The following PACC1 variants were observed in gnomAD, a reference collection of about 807,000 sequenced individuals.
The protein encoded by PACC1 is proton-activated chloride channel.
In PACC1, 34 loss-of-function variants were observed where a neutral mutation model predicts 39.7. The ratio of observed to expected loss-of-function variants is 0.86; its 90% CI spans 0.65 to 1.14. The LOEUF is 1.14. PACC1 is among the 50% of genes most tolerant of loss of function. The probability of loss-of-function intolerance (pLI) is 0.00; values close to 1 mark genes in which losing one functional copy is unlikely to be tolerated. For synonymous variants in PACC1, 127 were observed against 160.6 expected, an observed-to-expected ratio of 0.79 and a Z score of 1.58; for missense variants, 379 against 436.4, an observed-to-expected ratio of 0.87 and a Z score of 1.17.
intron 7 of PACC1, among the ~76,000 whole-genome samples, chr1:212,367,851 A>C (rs1660298927): frequency 6.6e-6 from 1 of 152,176 alleles, no homozygotes; most frequent in Non-Finnish European, 1.5e-5. Flanking sequence ...GCCAAAAGGC[A>C]ATCGGCCACC....
At chr1:212,407,885 G>A (rs1661975612) in intron 2 of PACC1, among the ~76,000 whole-genome samples, 1 of 152,146 alleles carries the variant, frequency 6.6e-6, no homozygotes, top group Non-Finnish European at 1.5e-5. Context: ...GACCAGCCTG[G>A]CCAACATGGT....
chr1:212,401,326 A>C (rs895193827), intron 2 of PACC1, among the ~76,000 whole-genome samples: 5 of 152,120 alleles, frequency 3.3e-5, no homozygotes, highest in Non-Finnish European at 7.4e-5. Flanking sequence ...GACTTCTCTC[A>C]CTATGTTTTC....
At chr1:212,410,394 A>T in intron 2 of PACC1, 31 bp downstream of exon 2, 1 of 1,599,372 alleles carries the variant, frequency 6.3e-7, no homozygotes, top group Non-Finnish European at 8.6e-7. Context: ...CAGCTGCAGC[A>T]ACAGCACAGC....
At chr1:212,382,719 T>C (rs1660950918) in intron 4 of PACC1, among the ~76,000 whole-genome samples, 1 of 152,232 alleles carries the variant, frequency 6.6e-6, no homozygotes. Context: ...TGCAATTGTT[T>C]AGCCCTAAAG....
At chr1:212,370,974 G>A (rs1254762597) in intron 7 of PACC1, among the ~76,000 whole-genome samples, 2 of 152,086 alleles carry the variant, frequency 1.3e-5, no homozygotes, top group African/African-American at 2.4e-5. Context: ...GAGGCCGGGC[G>A]CAGTGGCTCA....
intron 1 of PACC1, among the ~76,000 whole-genome samples, chr1:212,411,869 G>A (rs72754340): frequency 3.0e-3 from 460 of 152,276 alleles, no homozygotes; most frequent in Non-Finnish European, 4.4e-3. Context: ...GGCCTGACAC[G>A]GTGGCTCATG....
chr1:212,389,457 C>T (rs74649097), intron 2 of PACC1, among the ~76,000 whole-genome samples: 1 of 152,006 alleles, frequency 6.6e-6, no homozygotes, highest in Non-Finnish European at 1.5e-5. Flanking sequence ...AAAAAAAATA[C>T]CCTTCTGAAG....
intron 4 of PACC1, among the ~76,000 whole-genome samples, chr1:212,381,845 CAA>C (rs1273797646): frequency 6.6e-6 from 1 of 151,206 alleles, no homozygotes; most frequent in Non-Finnish European, 1.5e-5. Context: ...AGTGACAAGA[CAA>C]AAGTCATGGC....
chr1:212,404,386 A>G (rs1661830767), intron 2 of PACC1, among the ~76,000 whole-genome samples: 2 of 151,786 alleles, frequency 1.3e-5, no homozygotes, highest in Admixed American at 1.3e-4. Context: ...GATCACAGGC[A>G]TGAGCCACCG....
chr1:212,398,289 A>C (rs1292178926), intron 2 of PACC1, among the ~76,000 whole-genome samples: 2 of 152,248 alleles, frequency 1.3e-5, no homozygotes, highest in Admixed American at 1.3e-4. Context: ...GTAGGAATGT[A>C]ATGTTTCCAT....
At chr1:212,377,731 GATCCAGGTCA>G (rs1326843244) in intron 5 of PACC1, 25 bp from the exon 6 acceptor site, 1 of 1,613,014 alleles carries the variant, frequency 6.2e-7, no homozygotes. Context: ...GGAGAAGGAA[GATCCAGGTCA>G]ATGCAGGTCT....
intron 4 of PACC1, 105 bp downstream of exon 4, chr1:212,385,169 T>G: frequency 7.6e-7 from 1 of 1,323,804 alleles, no homozygotes; most frequent in South Asian, 1.3e-5. Context: ...GGCCCCACAC[T>G]GAGTGAGTGG....
chr1:212,386,972 T>C lies in PACC1; in HGVS notation c.262A>G (p.Thr88Ala). ...AGTTTCTCACGAAAGTCTGTGATGG[T>C]CCGGTAGACCAGGAAGACGGCCACA... ...MAVAVFLVYR[T>A]ITDFREKLKH... Residue 88 changes from threonine (T) to alanine (A), a missense_variant, in exon 3 of 8, where the codon ACC (threonine) becomes GCC (alanine). Coordinates refer to ENST00000261455, the MANE Select transcript of PACC1 (RefSeq NM_018252.3). The surrounding 1 kb of genome is among the most constrained non-coding windows in gnomAD (Gnocchi z 5.0). 6.2e-7 allele frequency: 1 copy of C among 1,614,104 alleles called. No homozygotes were observed. The highest frequency in any genetic ancestry group is 8.5e-7 in the Non-Finnish European group (1 of 1,180,020).
intron 4 of PACC1, among the ~76,000 whole-genome samples, chr1:212,380,832 G>T (rs1364934408): frequency 1.3e-5 from 2 of 152,150 alleles, no homozygotes; most frequent in African/African-American, 4.8e-5. Context: ...ACTTGTCTTG[G>T]TTATTTTTGA....
intron 2 of PACC1, among the ~76,000 whole-genome samples, chr1:212,402,627 TGATA>T (rs777307460): frequency 2.4e-4 from 37 of 152,322 alleles, no homozygotes; most frequent in Non-Finnish European, 4.3e-4. Flanking sequence ...TTCACTTTCT[TGATA>T]GTGTCCTTTG....
chr1:212,369,782 GAA>G (rs1197824626), intron 7 of PACC1, among the ~76,000 whole-genome samples: 6 of 73,910 alleles, frequency 8.1e-5, no homozygotes, highest in African/African-American at 2.6e-4. Flanking sequence ...CTCCATCTCA[GAA>G]AAAAAAAAAA....
At chr1:212,376,588 T>A (rs1316663252) in intron 6 of PACC1, among the ~76,000 whole-genome samples, 1 of 152,130 alleles carries the variant, frequency 6.6e-6, no homozygotes, top group Non-Finnish European at 1.5e-5. Context: ...TGGAGCAAAT[T>A]TGGAGGTAAA....
intron 4 of PACC1, 119 bp from the exon 5 acceptor site, chr1:212,380,156 G>T: frequency 1.9e-6 from 2 of 1,066,076 alleles, no homozygotes; most frequent in Non-Finnish European, 2.7e-6. Context: ...TCTCCAAAGG[G>T]ACCACTAGCC....
chr1:212,386,958 A>G lies in PACC1; in HGVS notation c.276T>C (p.Phe92=), dbSNP rs115730869. Residue 92 remains phenylalanine, a synonymous_variant, in exon 3 of 8, where the codon TTT becomes TTC. Transcript: ENST00000261455. The surrounding 1 kb of genome is among the most constrained non-coding windows in gnomAD (Gnocchi z 5.0). ...VFLVYRTITD[F]REKLKHPVMS... ...TGACAGGGTGCTTGAGTTTCTCACG[A>G]AAGTCTGTGATGGTCCGGTAGACCA... The G allele has an allele frequency of 2.2e-3, 3,549 of 1,614,158 alleles. 44 individuals carry two copies. In the African/African-American group the frequency reaches 0.032, roughly 15 times the overall value.
Sources: allele counts gnomAD v4.1 joint callset (sites outside exome capture counted in the v4.1 genomes callset), GRCh38; gene constraint gnomAD v4.1.1; non-coding constraint Gnocchi (gnomAD v3.1); transcripts MANE v1.5; gene names NCBI Gene and HGNC (gene_info 2026-07-23, HGNC 2026-07-21).